Variants in TRIO observed in about 807,000 individuals in gnomAD.
TRIO encodes trio Rho guanine nucleotide exchange factor.
In TRIO, 58 loss-of-function variants were observed where a neutral mutation model predicts 351.9. The ratio of observed to expected loss-of-function variants is 0.16; its 90% confidence interval spans 0.13 to 0.21. The LOEUF (loss-of-function observed/expected upper bound fraction) is 0.21. TRIO is among the 10% of genes least tolerant of loss of function. TRIO has a pLI of 1.00. For synonymous variants in TRIO, 1,758 were observed against 1,595.7 expected (o/e 1.10, Z -2.42); for missense variants, 3,201 against 4,027.8 (o/e 0.79, Z 5.56).
At chr5:14,435,698 C>T (rs1353789099) in intron 34 of TRIO, among the ~76,000 whole-genome samples, 8 of 152,168 alleles carry the variant, frequency 5.3e-5, no homozygotes, top group Admixed American at 1.3e-4. Flanking sequence ...GTCGTGGATA[C>T]TTATTGTGTG....
intron 9 of TRIO, among the ~76,000 whole-genome samples, chr5:14,322,689 C>T (rs950486570): frequency 6.6e-6 from 1 of 152,222 alleles, no homozygotes; most frequent in Non-Finnish European, 1.5e-5. Context: ...GTCATCTGTT[C>T]ATTGAGTCAG....
chr5:14,170,497 A>G (rs1210090111), intron 1 of TRIO, among the ~76,000 whole-genome samples: 1 of 141,258 alleles, frequency 7.1e-6, no homozygotes, highest in Non-Finnish European at 1.5e-5. Flanking sequence ...CTAAAAGTGA[A>G]GCTTCTCTCT....
At chr5:14,244,166 A>G (rs1794301182) in intron 1 of TRIO, among the ~76,000 whole-genome samples, 1 of 152,262 alleles carries the variant, frequency 6.6e-6, no homozygotes, top group Admixed American at 6.5e-5. Flanking sequence ...TCATGAAGGT[A>G]GATCTTAATA....
intron 19 of TRIO, among the ~76,000 whole-genome samples, chr5:14,375,395 G>A (rs1446415058): frequency 6.6e-6 from 1 of 152,130 alleles, no homozygotes; most frequent in Non-Finnish European, 1.5e-5. Flanking sequence ...GTCCTTTTTA[G>A]GTTGCGCTAG....
chr5:14,143,857 C>G lies in TRIO; in HGVS notation c.132C>G (p.Ala44=). 4 of 1,075,206 alleles carry G rather than the reference C, an allele frequency of 3.7e-6. No homozygotes were observed. The highest frequency in any genetic ancestry group is 4.5e-6 in the Non-Finnish European group (4 of 889,004). The allele number at this position is 1,075,206 out of a possible 1,614,324, so 66.6% of individuals were successfully genotyped here. A position where few individuals can be genotyped will look rare whatever the true frequency, so the allele number is the denominator to read the frequency against. The part of the protein sequence containing the change: ...EGAEEAAKDL[A]DIAAFFRSGF... ...CAGAGGAGGCGGCCAAGGACCTGGC[C>G]GACATCGCGGCCTTCTTCCGATCCG... is the stretch of plus-strand genomic sequence containing the variant. Residue 44 remains alanine, a synonymous_variant, in exon 1 of 57, where the codon GCC becomes GCG. Coordinates refer to ENST00000344204, the MANE Select transcript of TRIO (RefSeq NM_007118.4).
At chr5:14,246,002 G>T (rs1044858249) in intron 1 of TRIO, among the ~76,000 whole-genome samples, 1 of 152,120 alleles carries the variant, frequency 6.6e-6, no homozygotes, top group African/African-American at 2.4e-5. Context: ...TATTATTCTG[G>T]GAGTAACTCC....
chr5:14,248,670 C>T (rs1220203075), intron 1 of TRIO, among the ~76,000 whole-genome samples: 1 of 152,158 alleles, frequency 6.6e-6, no homozygotes, highest in African/African-American at 2.4e-5. Flanking sequence ...GTTCATCCTC[C>T]CTCGCTGTCA....
intron 1 of TRIO, among the ~76,000 whole-genome samples, chr5:14,254,624 A>G (rs1794927879): frequency 6.6e-6 from 1 of 152,190 alleles, no homozygotes; most frequent in Non-Finnish European, 1.5e-5. Flanking sequence ...CGAGAAAGGC[A>G]GGAAGGTTTT....
At position 14,488,059 on chromosome 5, in the gene TRIO, C is replaced by T. The variant is rs772892807; in HGVS notation, c.7431C>T (p.Ser2477=). The change falls in exon 48 of 57, where the codon AGC becomes AGT. Residue 2477 remains serine (S), a synonymous_variant. Coordinates refer to ENST00000344204, the MANE Select transcript of TRIO (RefSeq NM_007118.4). ...GCAAGGAGCCCTTCCCCCCCAGCAG[C>T]CCCCTGCAGAAGGGGGGCTCCTTCT... ...SLGKEPFPPS[S]PLQKGGSFWS... is the part of the protein sequence containing the mutation. 120 of 1,609,690 alleles carry T rather than the reference C, an allele frequency of 7.5e-5. No homozygotes were observed. The highest frequency in any genetic ancestry group is 1.1e-4 in the East Asian group (5 of 44,770).
chr5:14,482,812 A>G (rs1223475827), intron 46 of TRIO, 39 bp downstream of exon 46: 10 of 1,467,028 alleles, frequency 6.8e-6, no homozygotes, highest in Non-Finnish European at 9.1e-6. Flanking sequence ...GTGCCAGCGC[A>G]TGTACCCGTC....
intron 11 of TRIO, among the ~76,000 whole-genome samples, chr5:14,350,206 C>T (rs1454779506): frequency 6.6e-6 from 1 of 152,122 alleles, no homozygotes; most frequent in East Asian, 1.9e-4. Context: ...GCTGTGAGAA[C>T]ATGGGCACGA....
chr5:14,501,079 G>GA (rs548275270), intron 53 of TRIO, among the ~76,000 whole-genome samples: 2,603 of 135,032 alleles, frequency 0.019, 43 homozygotes, highest in Non-Finnish European at 0.028. Flanking sequence ...TTAAAAAAAA[G>GA]AAAAAAAAAA....
intron 43 of TRIO, among the ~76,000 whole-genome samples, chr5:14,480,617 T>C (rs796466360): frequency 1.4e-4 from 22 of 152,246 alleles, no homozygotes; most frequent in African/African-American, 4.8e-4. Flanking sequence ...AGACTTCAAG[T>C]GTATTGATAT....
chr5:14,366,870 G>T lies in TRIO; in HGVS notation c.2765G>T (p.Trp922Leu). The change falls in exon 16 of 57, where the codon TGG becomes TTG. Residue 922 changes from tryptophan (W) to leucine (L), a missense_variant. By Grantham distance (61) the Trp-to-Leu change is moderately conservative. This residue lies in a region of TRIO where 363 missense variants were observed against 553.5 expected (regional missense o/e 0.66). Coordinates refer to ENST00000344204, the MANE Select transcript of TRIO (RefSeq NM_007118.4). ...LQAEVKQVLG[W>L]IRNGESMLNA... ...TGTGTAATGTTTCAGGTGCTGGGTT[G>T]GATCCGCAACGGAGAGTCCATGTTA... 1 of 1,614,178 alleles carries T rather than the reference G, an allele frequency of 6.2e-7. No individual in the cohort carries two copies. Among genetic ancestry groups the T allele is most frequent in the South Asian group, 1.1e-5 (1 of 91,080 alleles).
Position 14,497,701 on chromosome 5 carries a change from G to A in TRIO, c.8020-146G>A, listed in dbSNP as rs1239789421. The A allele has an allele frequency of 1.0e-6, 1 of 983,358 alleles. No individual in the cohort carries two copies. Among genetic ancestry groups the A allele is most frequent in the Non-Finnish European group, 1.6e-6 (1 of 630,276 alleles). 60.9% of individuals were successfully genotyped at this position (983,358 alleles called of 1,614,324 possible). A position where few individuals can be genotyped will look rare whatever the true frequency, so the allele number is the denominator to read the frequency against. On this transcript the variant is annotated intron_variant, in intron 50 of 56. Coordinates refer to ENST00000344204, the MANE Select transcript of TRIO (RefSeq NM_007118.4). This position sits in a 1 kb window ranked among gnomAD's most constrained non-coding sequence, Gnocchi z 4.4. Reference sequence around the variant, plus strand: ...TTAGTGTGACATGAAACTTTTGAGTGCAGTGAAAATGTGGTCTGTTTTGAT... The same window carrying A: ...TTAGTGTGACATGAAACTTTTGAGTACAGTGAAAATGTGGTCTGTTTTGAT...
At chr5:14,463,501 A>C (rs144326490) in intron 36 of TRIO, among the ~76,000 whole-genome samples, 139 of 152,308 alleles carry the variant, frequency 9.1e-4, no homozygotes, top group Non-Finnish European at 6.6e-4. Context: ...CATGAAAGTC[A>C]TTTGTTTTCT....
In TRIO at chr5:14,419,630, G is replaced by T. The variant is rs774486483; in HGVS notation, c.4960-148G>T. 21 of 992,812 alleles carry T rather than the reference G, an allele frequency of 2.1e-5. No individual in the cohort carries two copies. The East Asian group carries it at 4.9e-4, about 23-fold the overall frequency. The allele number at this position is 992,812 out of a possible 1,614,324, so 61.5% of individuals were successfully genotyped here. A position where few individuals can be genotyped will look rare whatever the true frequency, so the allele number is the denominator to read the frequency against. Reference sequence around the variant, plus strand: ...CTTATGAAAAATCATATTTTCATACGGAGAGTGCAGTGATCACACAACCTC... The same window carrying T: ...CTTATGAAAAATCATATTTTCATACTGAGAGTGCAGTGATCACACAACCTC... On this transcript the variant is annotated intron_variant, in intron 33 of 56. Coordinates refer to ENST00000344204, the MANE Select transcript of TRIO (RefSeq NM_007118.4).
chr5:14,298,468 G>T (rs1581561548), intron 7 of TRIO, among the ~76,000 whole-genome samples: 1 of 152,162 alleles, frequency 6.6e-6, no homozygotes, highest in African/African-American at 2.4e-5. Context: ...CTTCCTCAGG[G>T]TTAATTTTTG....
At chr5:14,381,855 A>G (rs890955609) in intron 21 of TRIO, among the ~76,000 whole-genome samples, 3 of 152,232 alleles carry the variant, frequency 2.0e-5, no homozygotes, top group African/African-American at 4.8e-5. Flanking sequence ...TCTTTATGGC[A>G]TATGCCATAT....
Sources: gnomAD v4.1 joint callset for allele counts (sites outside exome capture counted in the v4.1 genomes callset) on GRCh38, gnomAD v4.1.1 for gene constraint, gnomAD v4.1.1 regional missense constraint, Gnocchi (gnomAD v3.1) non-coding constraint, MANE v1.5 for transcripts, NCBI Gene and HGNC (gene_info 2026-07-23, HGNC 2026-07-21) for gene names.